Variants in SP4 observed in about 807,000 individuals in gnomAD.
The protein encoded by SP4 is transcription factor Sp4.
Under a neutral mutation model 72.8 loss-of-function variants are expected in SP4, and 19 were observed. The observed-to-expected ratio is 0.26, with a 90% CI of 0.18 to 0.38. SP4 has a LOEUF of 0.38. Ranked by LOEUF, SP4 falls within the 10% of genes least tolerant of loss-of-function variation. The probability of loss-of-function intolerance (pLI) is 1.00; values close to 1 mark genes in which losing one functional copy is unlikely to be tolerated. For missense variants in SP4, 1,008 were observed against 926.3 expected (o/e 1.09, Z -1.14); for synonymous variants, 395 against 333.1 (o/e 1.19, Z -2.02).
At chr7:21,473,275 A>G (rs1241632368) in intron 3 of SP4, among the ~76,000 whole-genome samples, 2 of 152,200 alleles carry the variant, frequency 1.3e-5, no homozygotes, top group African/African-American at 2.4e-5. Flanking sequence ...TGAGTAAAGA[A>G]GTAGCCTAAA....
chr7:21,463,760 T>A (rs1416100395), intron 3 of SP4, among the ~76,000 whole-genome samples: 2 of 152,204 alleles, frequency 1.3e-5, no homozygotes, highest in African/African-American at 4.8e-5. Flanking sequence ...TAGAACTGAT[T>A]TTTTTTCCAA....
rs1783935278 is a variant in SP4, at chr7:21,460,656, G to A, written c.1679-16423G>A. Among the ~76,000 whole-genome samples the A allele has an allele frequency of 2.0e-5, 3 of 152,148 alleles. No homozygotes were observed. In the South Asian group the frequency reaches 6.2e-4, roughly 32 times the overall value. Reference sequence around the variant, plus strand: ...CATTTTACAGAGAGCCGATTGGTCTGTTTTACAGAGCGCTGATTGGTCCAT... The same window carrying A: ...CATTTTACAGAGAGCCGATTGGTCTATTTTACAGAGCGCTGATTGGTCCAT... On this transcript the variant is annotated intron_variant, in intron 3 of 5. Transcript: ENST00000222584.
intron 5 of SP4, among the ~76,000 whole-genome samples, chr7:21,496,933 G>A (rs531965208): frequency 3.9e-5 from 6 of 152,178 alleles, no homozygotes; most frequent in African/African-American, 9.7e-5. Context: ...AGCACTAAAC[G>A]TGTGTGACCT....
chr7:21,498,449 A>G (rs12673091), intron 5 of SP4, among the ~76,000 whole-genome samples: 56,181 of 151,994 alleles, frequency 0.37, 11,654 homozygotes, highest in East Asian at 0.84. Flanking sequence ...TAGGGTACTC[A>G]TGAAAAGACT....
chr7:21,475,232 A>C lies in SP4; in HGVS notation c.1679-1847A>C, dbSNP rs538682995. ...CGGGTTCAAGCGATTCTGCTGCCTCAGCTTCCCAAGTAGCTGGGACTACAG... is the reference window on the plus strand; with the variant it reads ...CGGGTTCAAGCGATTCTGCTGCCTCCGCTTCCCAAGTAGCTGGGACTACAG... On this transcript the variant is annotated intron_variant, in intron 3 of 5. Coordinates refer to ENST00000222584, the MANE Select transcript of SP4 (RefSeq NM_003112.5). 8.6e-4 allele frequency among the ~76,000 whole-genome samples: 131 copies of C among 151,614 alleles called. 1 individual carries two copies. The highest frequency in any genetic ancestry group is 3.1e-3 in the African/African-American group (126 of 41,274).
At position 21,430,589 on chromosome 7, in the gene SP4, A is replaced by G; in HGVS notation, c.1424A>G (p.Gln475Arg). 1 of 1,614,250 alleles carries G rather than the reference A, an allele frequency of 6.2e-7. No homozygotes were observed. Among genetic ancestry groups the G allele is most frequent in the Non-Finnish European group, 8.5e-7 (1 of 1,180,042 alleles). ...GQISWQTVQV[Q>R]NIQSLSNLQV... The stretch of plus-strand genomic sequence containing the variant: ...ATCAGTTGGCAAACTGTACAGGTTC[A>G]GAATATTCAGAGTCTTTCAAATTTG... Residue 475 changes from glutamine (Q) to arginine (R), a missense_variant, in exon 3 of 6, where the codon CAG becomes CGG. Around this residue, in one of 3 missense-constraint regions of SP4, gnomAD observed 893 missense variants for 743.3 expected, o/e 1.20. Transcript: ENST00000222584.
intron 3 of SP4, among the ~76,000 whole-genome samples, chr7:21,459,403 GCCA>G (rs1783881757): frequency 6.6e-6 from 1 of 152,196 alleles, no homozygotes; most frequent in South Asian, 2.1e-4. Context: ...ACAGGTGTGA[GCCA>G]CCGTGTTTTG....
chr7:21,512,749 G>C lies in SP4; in HGVS notation c.*1480G>C, dbSNP rs1782181366. 6.6e-6 allele frequency: 1 copy of C among 152,354 alleles called. No homozygotes were observed. The highest frequency in any genetic ancestry group is 1.5e-5 in the Non-Finnish European group (1 of 68,062). The allele number at this position is 152,354 out of a possible 1,614,324, so 9.4% of individuals were successfully genotyped here. On this transcript the variant is annotated 3_prime_UTR_variant, in exon 6 of 6. Coordinates refer to ENST00000222584, the MANE Select transcript of SP4 (RefSeq NM_003112.5). ...GGCTAATTTTTGTATTTTTAGTAGA[G>C]ACAGGGTTTCGCCATGTTGGCCAGG... is the stretch of plus-strand genomic sequence containing the variant.
chr7:21,479,459 C>G (rs547773026), intron 4 of SP4, among the ~76,000 whole-genome samples: 6 of 152,276 alleles, frequency 3.9e-5, no homozygotes, highest in Middle Eastern at 3.4e-3. Context: ...GGATTTATTT[C>G]TGGACTTTCA....
intron 5 of SP4, among the ~76,000 whole-genome samples, chr7:21,501,791 A>G (rs1479048936): frequency 6.6e-6 from 1 of 152,220 alleles, no homozygotes; most frequent in Admixed American, 6.5e-5. Context: ...TTTCCCACCC[A>G]GCATAACACA....
rs1262909278 is a variant in SP4, at chr7:21,475,894, T to G, written c.1679-1185T>G. On this transcript the variant is annotated intron_variant, in intron 3 of 5. Transcript: ENST00000222584. ...AGAAACATTCTTTCATAAATTGGTA[T>G]TTTCTTTTCAGTCCATTCACATACT... 4.6e-5 allele frequency among the ~76,000 whole-genome samples: 7 copies of G among 152,198 alleles called. No homozygotes were observed. The East Asian group carries it at 1.2e-3, about 25-fold the overall frequency.
In SP4 at chr7:21,511,522, A is replaced by G. The variant is rs149282756; in HGVS notation, c.*253A>G. ...TTGTAGTTGTTTGGAAATATATCAC[A>G]TAACCTTTATACAGAATCTTCCCAT... On this transcript the variant is annotated 3_prime_UTR_variant, in exon 6 of 6. Coordinates refer to ENST00000222584, the MANE Select transcript of SP4 (RefSeq NM_003112.5). 24 of 422,648 alleles carry G rather than the reference A, an allele frequency of 5.7e-5. No individual in the cohort carries two copies. Among genetic ancestry groups the G allele is most frequent in the African/African-American group, 4.1e-4 (21 of 50,938 alleles). The allele number at this position is 422,648 out of a possible 1,614,324, so 26.2% of individuals were successfully genotyped here.
At chr7:21,467,995 A>C (rs1473468589) in intron 3 of SP4, among the ~76,000 whole-genome samples, 2 of 152,156 alleles carry the variant, frequency 1.3e-5, no homozygotes, top group Non-Finnish European at 2.9e-5. Flanking sequence ...AGGTAGATAG[A>C]TAAATAGTTT....
chr7:21,482,203 A>G, intron 5 of SP4, 80 bp downstream of exon 5: 3 of 1,088,620 alleles, frequency 2.8e-6, no homozygotes, highest in Non-Finnish European at 4.1e-6. Context: ...TTTAGCTATC[A>G]AATTGGAAAT....
At position 21,429,919 on chromosome 7, in the gene SP4, C is replaced by G; in HGVS notation, c.754C>G (p.Gln252Glu). The stretch of plus-strand genomic sequence containing the variant: ...ACAGACTCTTCCTGGTACTCAGGCT[C>G]AAGTTGTAACAACCCTACCAATTAA... ...QLQTLPGTQA[Q>E]VVTTLPINIG... Residue 252 changes from glutamine (Q) to glutamate (E), a missense_variant, in exon 3 of 6, where the codon CAA becomes GAA. Gln to Glu is a conservative substitution (Grantham distance 29, BLOSUM62 2). Coordinates refer to ENST00000222584, the MANE Select transcript of SP4 (RefSeq NM_003112.5). 1.2e-6 allele frequency: 2 copies of G among 1,614,192 alleles called. No individual in the cohort carries two copies. Among genetic ancestry groups the G allele is most frequent in the South Asian group, 1.1e-5 (1 of 91,086 alleles).
Position 21,429,400 on chromosome 7 carries a change from G to A in SP4, c.235G>A (p.Gly79Arg). ...QQQIIIDPSQ[G>R]LVQLQNQPQQ... ...ACAAATTATTATAGATCCAAGTCAA[G>A]GATTGGTGCAACTTCAAAATCAACC... is the stretch of plus-strand genomic sequence containing the variant. Residue 79 changes from glycine to arginine, a missense_variant, in exon 3 of 6, where the codon GGA (glycine) becomes AGA (arginine). Transcript: ENST00000222584. 6.2e-7 allele frequency: 1 copy of A among 1,614,038 alleles called. No homozygotes were observed. Among genetic ancestry groups the A allele is most frequent in the Middle Eastern group, 1.6e-4 (1 of 6,062 alleles).
intron 3 of SP4, among the ~76,000 whole-genome samples, chr7:21,453,832 G>A (rs775986855): frequency 5.9e-5 from 9 of 152,070 alleles, no homozygotes; most frequent in South Asian, 4.1e-4. Context: ...GTTAGCTAAC[G>A]TGTTCACACA....
chr7:21,470,946 C>A, intron 3 of SP4: 1 of 421,796 alleles, frequency 2.4e-6, no homozygotes, highest in South Asian at 2.0e-5. Flanking sequence ...TTTTACAAAG[C>A]AGTTTCATTG....
At chr7:21,496,995 A>G (rs1781724628) in intron 5 of SP4, among the ~76,000 whole-genome samples, 1 of 152,208 alleles carries the variant, frequency 6.6e-6, no homozygotes, top group Admixed American at 6.5e-5. Flanking sequence ...CAGGTTTTTA[A>G]AGCTCTTCTG....
Sources: gnomAD v4.1 joint callset for allele counts (sites outside exome capture counted in the v4.1 genomes callset) on GRCh38, gnomAD v4.1.1 for gene constraint, gnomAD v4.1.1 regional missense constraint, MANE v1.5 for transcripts, NCBI Gene and HGNC (gene_info 2026-07-23, HGNC 2026-07-21) for gene names.